The following PNKD variants were observed in gnomAD, a reference collection of about 807,000 sequenced individuals.
PNKD encodes the protein probable thioesterase PNKD.
A neutral mutation model predicts 45.3 loss-of-function variants in PNKD; 36 were observed. The observed-to-expected ratio is 0.80, with a 90% confidence interval of 0.61 to 1.05. PNKD has a LOEUF of 1.05. PNKD is among the 50% of genes least tolerant of loss of function. PNKD has a pLI of 0.00. For missense variants in PNKD, 511 were observed against 506.6 expected, an observed-to-expected ratio of 1.01 and a Z score of -0.08; for synonymous variants, 197 against 210.1, an observed-to-expected ratio of 0.94 and a Z score of 0.54.
chr2:218,311,255 G>A (rs562869325), intron 2 of PNKD, among the ~76,000 whole-genome samples: 1 of 152,310 alleles, frequency 6.6e-6, no homozygotes, highest in South Asian at 2.1e-4. Context: ...GTAATTGAAG[G>A]GGGCCAGCCC....
chr2:218,299,870 C>T (rs1261342888), intron 2 of PNKD, among the ~76,000 whole-genome samples: 1 of 152,264 alleles, frequency 6.6e-6, no homozygotes, highest in East Asian at 1.9e-4. Context: ...ATCCGCCCGC[C>T]TCAGCCTCCC....
intron 2 of PNKD, among the ~76,000 whole-genome samples, chr2:218,334,360 G>T (rs572755392): frequency 3.3e-5 from 5 of 151,874 alleles, no homozygotes; most frequent in African/African-American, 1.2e-4. Context: ...AGAATCCCAC[G>T]TTGCATTTAT....
chr2:218,327,526 T>C (rs191510464), intron 2 of PNKD, among the ~76,000 whole-genome samples: 2 of 152,268 alleles, frequency 1.3e-5, no homozygotes, highest in East Asian at 3.9e-4. Context: ...GCCTCCCTGC[T>C]GCTCTCTGCT....
At chr2:218,272,665 T>A in intron 2 of PNKD, 1 of 1,614,098 alleles carries the variant, frequency 6.2e-7, no homozygotes, top group South Asian at 1.1e-5. Flanking sequence ...CGGCAGAACA[T>A]GCGGTTGTCC....
At chr2:218,295,383 T>C (rs1357050932) in intron 2 of PNKD, among the ~76,000 whole-genome samples, 1 of 152,184 alleles carries the variant, frequency 6.6e-6, no homozygotes, top group Non-Finnish European at 1.5e-5. Context: ...GTTGACAGTT[T>C]GACAAGTGCT....
intron 2 of PNKD, chr2:218,272,944 G>A: frequency 5.5e-6 from 8 of 1,465,796 alleles, no homozygotes; most frequent in East Asian, 2.5e-5. Flanking sequence ...TTAGTAGAAA[G>A]GAACCAGGTC....
chr2:218,317,570 G>A (rs1355896829), intron 2 of PNKD, among the ~76,000 whole-genome samples: 1 of 152,192 alleles, frequency 6.6e-6, no homozygotes, highest in African/African-American at 2.4e-5. Flanking sequence ...TTTCCAACCT[G>A]GAGACAATGT....
At chr2:218,278,420 T>G in intron 2 of PNKD, 1 of 1,273,486 alleles carries the variant, frequency 7.9e-7, no homozygotes, top group Non-Finnish European at 1.1e-6. Flanking sequence ...TAAGTTTCCA[T>G]TCAGCTGCTA....
chr2:218,310,988 T>C (rs1158299028), intron 2 of PNKD, among the ~76,000 whole-genome samples: 9 of 152,220 alleles, frequency 5.9e-5, no homozygotes, highest in African/African-American at 2.2e-4. Context: ...TGCAGGTTTG[T>C]GGCCTAGGAG....
intron 2 of PNKD, chr2:218,279,608 A>T: frequency 2.0e-6 from 1 of 502,000 alleles, no homozygotes; most frequent in South Asian, 2.7e-5. Context: ...CCTGGCCACC[A>T]TACTCTACCA....
intron 2 of PNKD, chr2:218,277,680 GGAGA>G: frequency 6.2e-7 from 1 of 1,614,168 alleles, no homozygotes; most frequent in Non-Finnish European, 8.5e-7. Flanking sequence ...TCTAAGGGAA[GGAGA>G]GAGACAAGAA....
chr2:218,322,387 A>G (rs947200936), intron 2 of PNKD, among the ~76,000 whole-genome samples: 2 of 152,160 alleles, frequency 1.3e-5, no homozygotes, highest in African/African-American at 4.8e-5. Flanking sequence ...AACAACTTCT[A>G]GAATCCATCA....
At chr2:218,311,103 A>C (rs1693601995) in intron 2 of PNKD, among the ~76,000 whole-genome samples, 1 of 152,140 alleles carries the variant, frequency 6.6e-6, no homozygotes, top group African/African-American at 2.4e-5. Context: ...TCCTGTCCTT[A>C]AGTAACACAT....
At chr2:218,286,416 G>C (rs796275212) in intron 2 of PNKD, 16 of 152,066 alleles carry the variant, frequency 1.1e-4, no homozygotes, top group Admixed American at 5.9e-4. Context: ...ATTCTTCCTT[G>C]CCTCACAATG....
At chr2:218,307,508 G>A (rs1028188711) in intron 2 of PNKD, among the ~76,000 whole-genome samples, 1 of 152,106 alleles carries the variant, frequency 6.6e-6, no homozygotes, top group African/African-American at 2.4e-5. Flanking sequence ...TAGGGTGCGA[G>A]CTCCTATGAG....
chr2:218,279,131 T>C (rs970809476), intron 2 of PNKD: 2 of 1,612,546 alleles, frequency 1.2e-6, no homozygotes, highest in African/African-American at 2.7e-5. Context: ...ACCCTGAGGC[T>C]TGTCTGCCCC....
At chr2:218,278,957 G>A in intron 2 of PNKD, 1 of 1,548,580 alleles carries the variant, frequency 6.5e-7, no homozygotes, top group Non-Finnish European at 8.9e-7. Flanking sequence ...TTTTGATCCT[G>A]CCCTGAGCAA....
At position 218,270,529 on chromosome 2, in the gene PNKD, T is replaced by C; in HGVS notation, c.-7T>C. The C allele has an allele frequency of 8.1e-7, 1 of 1,232,794 alleles. No individual in the cohort carries two copies. Among genetic ancestry groups the C allele is most frequent in the Non-Finnish European group, 1.1e-6 (1 of 944,548 alleles). The allele number at this position is 1,232,794 out of a possible 1,614,324, so 76.4% of individuals were successfully genotyped here. ...GGAGCGCGGTGAAGCGGGGGTGGGATCTGAACATGGCGGCGGTGGTAGCTG... is the reference window on the plus strand; with the variant it reads ...GGAGCGCGGTGAAGCGGGGGTGGGACCTGAACATGGCGGCGGTGGTAGCTG... On this transcript the variant is annotated 5_prime_UTR_variant, in exon 1 of 10. Coordinates refer to ENST00000273077, the MANE Select transcript of PNKD (RefSeq NM_015488.5).
intron 2 of PNKD, chr2:218,284,163 C>CAAAAAAAAAA (rs34609665): frequency 7.5e-6 from 1 of 132,470 alleles, no homozygotes. Context: ...GACTCCATCT[C>CAAAAAAAAAA]AAAAGAAAAA....
Sources: allele counts gnomAD v4.1 joint callset (sites outside exome capture counted in the v4.1 genomes callset), GRCh38; gene constraint gnomAD v4.1.1; transcripts MANE v1.5; gene names NCBI Gene and HGNC (gene_info 2026-07-23, HGNC 2026-07-21).